Variants in DCP1B observed in about 807,000 individuals in gnomAD.
DCP1B encodes mRNA-decapping enzyme 1B.
Under a neutral mutation model 60.5 loss-of-function variants are expected in DCP1B, and 47 were observed. That is an observed-to-expected ratio of 0.78 (90% confidence interval 0.61 to 0.99). The LOEUF (loss-of-function observed/expected upper bound fraction) is 0.99, where lower values mean the gene tolerates loss of function less well. Among genes scored for constraint, DCP1B ranks in the 50% least tolerant of loss-of-function variants. The pLI, the probability that DCP1B is intolerant of heterozygous loss-of-function variation, is 0.00. For synonymous variants in DCP1B, 267 were observed against 280.3 expected, an observed-to-expected ratio of 0.95 and a Z score of 0.47; for missense variants, 725 against 756.8, an observed-to-expected ratio of 0.96 and a Z score of 0.49.
intron 2 of DCP1B, among the ~76,000 whole-genome samples, chr12:1,994,116 T>C (rs752988608): frequency 3.8e-4 from 58 of 152,234 alleles, no homozygotes; most frequent in Non-Finnish European, 6.5e-4. Context: ...GCAGAAAGAA[T>C]CCAAATTATA....
chr12:1,975,110 A>C (rs1298050740), intron 3 of DCP1B, among the ~76,000 whole-genome samples: 1 of 152,196 alleles, frequency 6.6e-6, no homozygotes, highest in Non-Finnish European at 1.5e-5. Context: ...CTTCCTGATT[A>C]AAGAAAAGTC....
rs776093314 is a variant in DCP1B at position 1,952,999 on chromosome 12, C to G, written c.941G>C (p.Arg314Pro). Residue 314 changes from arginine (R) to proline (P), a missense_variant, in exon 7 of 9, where the codon CGG becomes CCG. Arg to Pro is a moderately radical substitution (Grantham distance 103, BLOSUM62 -2). Coordinates refer to ENST00000280665, the MANE Select transcript of DCP1B (RefSeq NM_152640.5). ...ATGGGTACTGCCATTTTCACAAGGC[C>G]GGTTTTCAGGCAGCTCTGACAATGG... ...LHPLSELPEN[R>P]PCENGSTHSA... The G allele has an allele frequency of 6.2e-7, 1 of 1,614,078 alleles. No individual in the cohort carries two copies. Among genetic ancestry groups the G allele is most frequent in the African/African-American group, 1.3e-5 (1 of 75,026 alleles).
chr12:1,981,390 A>G (rs1168848075), intron 3 of DCP1B, among the ~76,000 whole-genome samples: 2 of 152,220 alleles, frequency 1.3e-5, no homozygotes, highest in Non-Finnish European at 2.9e-5. Flanking sequence ...CAAATATTTA[A>G]TTGTGCACAT....
At chr12:1,999,389 G>A (rs2154478250) in intron 1 of DCP1B, among the ~76,000 whole-genome samples, 1 of 152,296 alleles carries the variant, frequency 6.6e-6, no homozygotes, top group South Asian at 2.1e-4. Flanking sequence ...ATCTCAAGAT[G>A]TTTATTATTA....
Position 2,004,434 on chromosome 12 carries a change from T to G in DCP1B, c.-3A>C. 1 of 1,606,572 alleles carries G rather than the reference T, an allele frequency of 6.2e-7. No homozygotes were observed. Among genetic ancestry groups the G allele is most frequent in the Non-Finnish European group, 8.5e-7 (1 of 1,177,046 alleles). On this transcript the variant is annotated 5_prime_UTR_variant, in exon 1 of 9. Coordinates refer to ENST00000280665, the MANE Select transcript of DCP1B (RefSeq NM_152640.5). ...CCGCCTGCCGCCACGGCTGCCATCTTCCCTCCCTCCCAGACATAGGCACGG... is the reference window on the plus strand; with the variant it reads ...CCGCCTGCCGCCACGGCTGCCATCTGCCCTCCCTCCCAGACATAGGCACGG...
At chr12:1,964,131 A>G (rs2031216660) in intron 5 of DCP1B, among the ~76,000 whole-genome samples, 1 of 152,208 alleles carries the variant, frequency 6.6e-6, no homozygotes, top group Admixed American at 6.5e-5. Context: ...TCCTTAAAAT[A>G]TAACCCACTA....
intron 5 of DCP1B, among the ~76,000 whole-genome samples, chr12:1,957,672 C>T (rs2030934839): frequency 6.6e-6 from 1 of 152,184 alleles, no homozygotes; most frequent in African/African-American, 2.4e-5. Flanking sequence ...TTACTGTTCA[C>T]TTGCATCTCA....
At chr12:1,985,140 T>C (rs936053527) in intron 3 of DCP1B, among the ~76,000 whole-genome samples, 31 of 152,178 alleles carry the variant, frequency 2.0e-4, no homozygotes, top group Admixed American at 5.9e-4. Context: ...ACTGAGTTCC[T>C]TGAATCTATA....
rs1208950040 is a variant in DCP1B at position 1,993,358 on chromosome 12, C to G, written c.225G>C (p.Met75Ile). The part of the protein sequence containing the change: ...SASPKHGFTI[M>I]NRLSMENRTE... Reference sequence around the variant, plus strand: ...TCCTATTTTCCATGCTCAGCCTATTCATAATGGTGAATCCATGCTTTGGAG... The same window carrying G: ...TCCTATTTTCCATGCTCAGCCTATTGATAATGGTGAATCCATGCTTTGGAG... The change falls in exon 3 of 9, where the codon ATG becomes ATC. Residue 75 changes from methionine (M) to isoleucine (I), a missense_variant. Met to Ile is a conservative substitution (Grantham distance 10). Coordinates refer to ENST00000280665, the MANE Select transcript of DCP1B (RefSeq NM_152640.5). 3 of 1,613,658 alleles carry G rather than the reference C, an allele frequency of 1.9e-6. No homozygotes were observed.
intron 3 of DCP1B, among the ~76,000 whole-genome samples, chr12:1,974,059 T>A (rs2033477739): frequency 6.6e-6 from 1 of 152,192 alleles, no homozygotes; most frequent in Non-Finnish European, 1.5e-5. Flanking sequence ...CACTAGACTA[T>A]AAGCTCCTGG....
chr12:1,950,967 A>G (rs956927854), intron 7 of DCP1B, among the ~76,000 whole-genome samples: 4 of 152,180 alleles, frequency 2.6e-5, no homozygotes, highest in African/African-American at 7.2e-5. Context: ...GATTTTTGAG[A>G]AACTGTTATA....
In DCP1B at chr12:1,991,785, TTG is replaced by T. The variant is rs35028713; in HGVS notation, c.319+1477_319+1478del. ...TTTAAATTGATGCATTAAAGAGAGT[TTG>T]TGTTTTTATATTTTTGGTATAGTAG... On this transcript the variant is annotated intron_variant, in intron 3 of 8. Coordinates refer to ENST00000280665, the MANE Select transcript of DCP1B (RefSeq NM_152640.5). 2.2e-3 allele frequency: 339 copies of T among 155,558 alleles called. 1 individual carries two copies. The highest frequency in any genetic ancestry group is 0.01 in the Middle Eastern group (3 of 298). The allele number at this position is 155,558 out of a possible 1,614,324, so 9.6% of individuals were successfully genotyped here.
At chr12:1,959,171 C>T (rs925361295) in intron 5 of DCP1B, among the ~76,000 whole-genome samples, 19 of 152,246 alleles carry the variant, frequency 1.2e-4, no homozygotes, top group Admixed American at 4.6e-4. Flanking sequence ...AGCTCCCTAA[C>T]GTTGCTCTGG....
intron 3 of DCP1B, among the ~76,000 whole-genome samples, chr12:1,986,964 C>G (rs553186725): frequency 1.3e-5 from 2 of 152,060 alleles, no homozygotes; most frequent in South Asian, 2.1e-4. Flanking sequence ...ATGAAACATC[C>G]CAAGTAACAC....
chr12:1,948,887 A>T lies in DCP1B; in HGVS notation c.1773+199T>A, dbSNP rs1290711105. Among the ~76,000 whole-genome samples, 1 of 152,204 alleles carries T rather than the reference A, an allele frequency of 6.6e-6. No homozygotes were observed. The highest frequency in any genetic ancestry group is 1.5e-5 in the Non-Finnish European group (1 of 68,038). The stretch of plus-strand genomic sequence containing the variant: ...ATTACAAAATCCTTGAAGAGCTGAG[A>T]CACCCAAGCCACACTTGGTATTATA... On this transcript the variant is annotated intron_variant, in intron 8 of 8. Coordinates refer to ENST00000280665, the MANE Select transcript of DCP1B (RefSeq NM_152640.5). This position sits in a 1 kb window ranked among gnomAD's most constrained non-coding sequence, Gnocchi z 4.8.
At chr12:1,951,568 G>T (rs543684161) in intron 7 of DCP1B, among the ~76,000 whole-genome samples, 3 of 152,150 alleles carry the variant, frequency 2.0e-5, no homozygotes, top group Non-Finnish European at 2.9e-5. Flanking sequence ...CAGTTTGTGT[G>T]GGGGGTGGAG....
intron 7 of DCP1B, chr12:1,950,471 GA>G: frequency 1.4e-6 from 1 of 694,238 alleles, no homozygotes; most frequent in Non-Finnish European, 2.6e-6. Context: ...GAAAAAAGCA[GA>G]CATTTTTAAA....
Position 1,982,870 on chromosome 12 carries a change from C to T in DCP1B, c.319+10394G>A, listed in dbSNP as rs148578252. Among the ~76,000 whole-genome samples, 5 of 152,106 alleles carry T rather than the reference C, an allele frequency of 3.3e-5. No individual in the cohort carries two copies. The East Asian group carries it at 9.6e-4, about 29-fold the overall frequency. ...TTGTATAGAATTGGTATTATTCCTCCCTTGAACATTTGGTAGAATTCACCA... is the reference window on the plus strand; with the variant it reads ...TTGTATAGAATTGGTATTATTCCTCTCTTGAACATTTGGTAGAATTCACCA... On this transcript the variant is annotated intron_variant, in intron 3 of 8. Transcript: ENST00000280665.
At position 2,004,373 on chromosome 12, in the gene DCP1B, G is replaced by A. The variant is rs368006315; in HGVS notation, c.59C>T (p.Ala20Val). The stretch of plus-strand genomic sequence containing the variant: ...GATATAGGGGTCGTGGCGCTGCAGG[G>A]CCGCTAGGCTGATGTCGCGCCCCTT... The part of the protein sequence containing the change: ...VGKGRDISLA[A>V]LQRHDPYINR... The change falls in exon 1 of 9, where the codon GCC (alanine) becomes GTC (valine). Residue 20 changes from alanine to valine, a missense_variant. By Grantham distance (64) the Ala-to-Val change is moderately conservative (BLOSUM62 0). Coordinates refer to ENST00000280665, the MANE Select transcript of DCP1B (RefSeq NM_152640.5). 1.9e-6 allele frequency: 3 copies of A among 1,612,890 alleles called. No individual in the cohort carries two copies. Among genetic ancestry groups the A allele is most frequent in the South Asian group, 2.2e-5 (2 of 91,040 alleles).
Sources: gnomAD v4.1 joint callset for allele counts (sites outside exome capture counted in the v4.1 genomes callset) on GRCh38, gnomAD v4.1.1 for gene constraint, Gnocchi (gnomAD v3.1) non-coding constraint, MANE v1.5 for transcripts, NCBI Gene and HGNC (gene_info 2026-07-23, HGNC 2026-07-21) for gene names.